Variants in RIMS1 observed in about 807,000 individuals in gnomAD.
RIMS1 encodes regulating synaptic membrane exocytosis protein 1.
RIMS1 carries 83 observed loss-of-function variants against 214.1 expected under a neutral mutation model. That is an observed-to-expected ratio of 0.39 (90% confidence interval 0.32 to 0.47). The LOEUF (loss-of-function observed/expected upper bound fraction) is 0.47. RIMS1 is among the 20% of genes least tolerant of loss of function. The pLI, the probability that RIMS1 is intolerant of heterozygous loss-of-function variation, is 0.99. For synonymous variants in RIMS1, 793 were observed against 786.8 expected (o/e 1.01, Z -0.13); for missense variants, 2,050 against 2,161.8 (o/e 0.95, Z 1.03).
At chr6:72,308,758 C>G (rs1191056926) in intron 27 of RIMS1, among the ~76,000 whole-genome samples, 1 of 152,072 alleles carries the variant, frequency 6.6e-6, no homozygotes, top group African/African-American at 2.4e-5. Flanking sequence ...AAGAGTCTTA[C>G]CAAAAAAATG....
intron 2 of RIMS1, among the ~76,000 whole-genome samples, chr6:72,079,660 G>T (rs1043797134): frequency 6.6e-6 from 1 of 152,052 alleles, no homozygotes; most frequent in Non-Finnish European, 1.5e-5. Flanking sequence ...AAGGCAGGAG[G>T]ATCAGTTGAA....
At chr6:72,017,831 C>A (rs1281275721) in intron 2 of RIMS1, among the ~76,000 whole-genome samples, 1 of 152,120 alleles carries the variant, frequency 6.6e-6, no homozygotes, top group African/African-American at 2.4e-5. Flanking sequence ...TCAGTAACAA[C>A]CTGAAAGAAT....
At chr6:71,950,124 T>A (rs1471740325) in intron 1 of RIMS1, among the ~76,000 whole-genome samples, 1 of 152,102 alleles carries the variant, frequency 6.6e-6, no homozygotes, top group African/African-American at 2.4e-5. Flanking sequence ...ACATATTAGA[T>A]TATTTCATTT....
chr6:72,022,147 A>G (rs1814891276), intron 2 of RIMS1, among the ~76,000 whole-genome samples: 1 of 152,200 alleles, frequency 6.6e-6, no homozygotes, highest in Non-Finnish European at 1.5e-5. Flanking sequence ...AAATGATAAT[A>G]TTAGTGTGTG....
rs2098489713 is a variant in RIMS1 at position 72,381,620 on chromosome 6, A to T, written c.4367-8978A>T. ...ATGAAGATTATTTAAAACATACGAA[A>T]AGCCATGTTGAACTTGCTATTGTTT... is the stretch of plus-strand genomic sequence containing the variant. On this transcript the variant is annotated intron_variant, in intron 29 of 33. Transcript: ENST00000521978. 1.3e-5 allele frequency among the ~76,000 whole-genome samples: 2 copies of T among 152,238 alleles called. 1 individual carries two copies. Among genetic ancestry groups the T allele is most frequent in the South Asian group, 4.1e-4 (2 of 4,838 alleles).
intron 2 of RIMS1, among the ~76,000 whole-genome samples, chr6:72,032,393 C>T (rs903429462): frequency 1.3e-5 from 2 of 152,152 alleles, no homozygotes; most frequent in Non-Finnish European, 2.9e-5. Flanking sequence ...GCAGTACTCA[C>T]ATTATACTGA....
intron 18 of RIMS1, among the ~76,000 whole-genome samples, chr6:72,259,604 A>C (rs2077148794): frequency 2.6e-5 from 3 of 117,430 alleles, no homozygotes; most frequent in African/African-American, 1.1e-4. Context: ...CTCTTTCTAG[A>C]AAATGTCTAT....
At chr6:72,361,570 AAAGT>A (rs1440544172) in intron 29 of RIMS1, among the ~76,000 whole-genome samples, 1 of 152,226 alleles carries the variant, frequency 6.6e-6, no homozygotes, top group Non-Finnish European at 1.5e-5. Flanking sequence ...GCTTGGCACA[AAAGT>A]AAGTGTGTTT....
At position 72,150,440 on chromosome 6, in the gene RIMS1, G is replaced by T. The variant is rs556981666; in HGVS notation, c.472-29135G>T. On this transcript the variant is annotated intron_variant, in intron 4 of 33. Coordinates refer to ENST00000521978, the MANE Select transcript of RIMS1 (RefSeq NM_014989.7). ...CAGGGACCCACCCCTATCTGTTTAG[G>T]ATTTGTCTGCCTCCTGCCACTATTA... Among the ~76,000 whole-genome samples, 12 of 152,202 alleles carry T rather than the reference G, an allele frequency of 7.9e-5. No individual in the cohort carries two copies. In the South Asian group the frequency reaches 2.1e-3, roughly 26 times the overall value.
chr6:71,964,233 G>A (rs1469456848), intron 1 of RIMS1, among the ~76,000 whole-genome samples: 1 of 152,150 alleles, frequency 6.6e-6, no homozygotes, highest in Admixed American at 6.5e-5. Flanking sequence ...GGTTGGTGCA[G>A]AGATTTCAAG....
At chr6:71,922,725 AT>A (rs376943357) in intron 1 of RIMS1, among the ~76,000 whole-genome samples, 370 of 152,350 alleles carry the variant, frequency 2.4e-3, no homozygotes, top group Non-Finnish European at 3.4e-3. Context: ...GAAAGCTCGT[AT>A]AGTTTATTCC....
intron 19 of RIMS1, among the ~76,000 whole-genome samples, chr6:72,264,645 C>T (rs11754022): frequency 0.2 from 30,744 of 151,978 alleles, 3,912 homozygotes; most frequent in Non-Finnish European, 0.28. Flanking sequence ...AGTTTACTTT[C>T]GTAGAAGTAG....
At chr6:71,937,950 T>C (rs1007778597) in intron 1 of RIMS1, among the ~76,000 whole-genome samples, 4 of 152,070 alleles carry the variant, frequency 2.6e-5, no homozygotes, top group African/African-American at 4.8e-5. Context: ...CTCATCTGAA[T>C]AAAATAGGGG....
intron 2 of RIMS1, among the ~76,000 whole-genome samples, chr6:72,037,750 A>G (rs1400765196): frequency 6.6e-6 from 1 of 151,914 alleles, no homozygotes; most frequent in African/African-American, 2.4e-5. Context: ...GGTCAATAGT[A>G]GGCTTTTTTA....
chr6:72,159,870 C>T lies in RIMS1; in HGVS notation c.472-19705C>T, dbSNP rs537079124. On this transcript the variant is annotated intron_variant, in intron 4 of 33. Coordinates refer to ENST00000521978, the MANE Select transcript of RIMS1 (RefSeq NM_014989.7). Reference sequence around the variant, plus strand: ...TTGGCTAAGGATTGACTTGGCAATGCGGGCTCTTTTTTGGTTCCATGTGAA... The same window carrying T: ...TTGGCTAAGGATTGACTTGGCAATGTGGGCTCTTTTTTGGTTCCATGTGAA... Among the ~76,000 whole-genome samples, 32 of 139,782 alleles carry T rather than the reference C, an allele frequency of 2.3e-4. 4 individuals carry two copies. The highest frequency in any genetic ancestry group is 3.0e-4 in the African/African-American group (12 of 40,602). 91.7% of individuals were successfully genotyped at this position (139,782 alleles called of 152,430 possible).
At chr6:72,008,737 A>G (rs1460970540) in intron 2 of RIMS1, among the ~76,000 whole-genome samples, 1 of 152,222 alleles carries the variant, frequency 6.6e-6, no homozygotes, top group South Asian at 2.1e-4. Flanking sequence ...AGGCCATTAC[A>G]TAATAGTAAA....
rs934660182 is a variant in RIMS1 at position 71,886,858 on chromosome 6, C to T, written c.-166C>T. On this transcript the variant is annotated 5_prime_UTR_variant, in exon 1 of 34. Coordinates refer to ENST00000521978, the MANE Select transcript of RIMS1 (RefSeq NM_014989.7). The stretch of plus-strand genomic sequence containing the variant: ...AACCATGAAAGACTGGGTTCTCGCT[C>T]TCCCCGGCTCTGCTGCTGCTGCTGC... 1.1e-4 allele frequency: 73 copies of T among 691,700 alleles called. No homozygotes were observed. The South Asian group carries it at 1.3e-3, about 12-fold the overall frequency. The allele number at this position is 691,700 out of a possible 1,614,324, so 42.8% of individuals were successfully genotyped here.
intron 29 of RIMS1, among the ~76,000 whole-genome samples, chr6:72,378,632 C>T (rs1023308156): frequency 2.6e-5 from 4 of 152,164 alleles, no homozygotes; most frequent in African/African-American, 9.7e-5. Context: ...GAGTTCACGA[C>T]CAGCCTGGCC....
At chr6:71,928,522 G>A (rs1256011580) in intron 1 of RIMS1, among the ~76,000 whole-genome samples, 2 of 151,938 alleles carry the variant, frequency 1.3e-5, no homozygotes, top group African/African-American at 4.8e-5. Context: ...ATTAATTACT[G>A]AGTTTTGGAA....
Sources: allele counts gnomAD v4.1 joint callset (sites outside exome capture counted in the v4.1 genomes callset), GRCh38; gene constraint gnomAD v4.1.1; transcripts MANE v1.5; gene names NCBI Gene and HGNC (gene_info 2026-07-23, HGNC 2026-07-21).